The following TBC1D22A variants were observed in gnomAD, a reference collection of about 807,000 sequenced individuals.
TBC1D22A encodes putative GTPase activator.
TBC1D22A carries 38 observed loss-of-function variants against 60.2 expected under a neutral mutation model. The ratio of observed to expected loss-of-function variants is 0.63; its 90% CI spans 0.49 to 0.83. The LOEUF is 0.83. TBC1D22A is among the 40% of genes least tolerant of loss of function. The probability of loss-of-function intolerance (pLI) is 0.00; values close to 1 mark genes in which losing one functional copy is unlikely to be tolerated. For synonymous variants in TBC1D22A, 302 were observed against 281.7 expected, an observed-to-expected ratio of 1.07 and a Z score of -0.72; for missense variants, 628 against 701.0, an observed-to-expected ratio of 0.90 and a Z score of 1.18.
At chr22:47,097,517 G>C (rs1224648193) in intron 11 of TBC1D22A, among the ~76,000 whole-genome samples, 2 of 152,054 alleles carry the variant, frequency 1.3e-5, no homozygotes, top group Admixed American at 6.6e-5. Flanking sequence ...GGGAGGCTGA[G>C]ACAGAATTGC....
At chr22:47,096,857 T>C (rs150424984) in intron 11 of TBC1D22A, among the ~76,000 whole-genome samples, 2 of 152,248 alleles carry the variant, frequency 1.3e-5, no homozygotes, top group Non-Finnish European at 2.9e-5. Flanking sequence ...ATAAAGTATA[T>C]CCTTTGTGTC....
chr22:47,130,238 G>A (rs576284582), intron 12 of TBC1D22A, among the ~76,000 whole-genome samples: 3 of 152,290 alleles, frequency 2.0e-5, no homozygotes, highest in East Asian at 1.9e-4. Context: ...CGTGTCTGGA[G>A]GAGCAGGCAG....
chr22:46,798,458 G>A (rs1006732500), intron 4 of TBC1D22A, among the ~76,000 whole-genome samples: 3 of 152,278 alleles, frequency 2.0e-5, no homozygotes, highest in Admixed American at 6.5e-5. Flanking sequence ...AGTCACCAGT[G>A]TGACTCTTCC....
intron 11 of TBC1D22A, among the ~76,000 whole-genome samples, chr22:47,075,316 G>A (rs1414685132): frequency 6.6e-6 from 1 of 151,856 alleles, no homozygotes; most frequent in Admixed American, 6.6e-5. Context: ...GGGAGGCTTT[G>A]TAGGGTGCTG....
At chr22:46,915,347 A>G in intron 8 of TBC1D22A, 2 of 453,730 alleles carry the variant, frequency 4.4e-6, no homozygotes, top group Non-Finnish European at 8.9e-6. Context: ...GGTAAACCTC[A>G]GATGCTCTGC....
At chr22:46,823,712 A>G (rs920133143) in intron 4 of TBC1D22A, among the ~76,000 whole-genome samples, 2 of 152,228 alleles carry the variant, frequency 1.3e-5, no homozygotes, top group African/African-American at 4.8e-5. Flanking sequence ...TTTTCTTCTC[A>G]TGGTCACTGC....
At chr22:47,151,314 C>T (rs865921681) in intron 12 of TBC1D22A, among the ~76,000 whole-genome samples, 2 of 152,228 alleles carry the variant, frequency 1.3e-5, no homozygotes, top group East Asian at 1.9e-4. Flanking sequence ...GGCGCACTCA[C>T]GCAGAACCGA....
At chr22:46,805,332 C>A (rs963106948) in intron 4 of TBC1D22A, among the ~76,000 whole-genome samples, 8 of 152,230 alleles carry the variant, frequency 5.3e-5, no homozygotes, top group Non-Finnish European at 8.8e-5. Context: ...TATCTGGGGC[C>A]TTCCGTGAAG....
intron 1 of TBC1D22A, among the ~76,000 whole-genome samples, chr22:46,780,072 A>G (rs963707796): frequency 1.3e-5 from 2 of 152,234 alleles, no homozygotes; most frequent in Admixed American, 1.3e-4. Context: ...TGGAAAATTT[A>G]CTTCTGAATA....
At chr22:47,036,639 C>T (rs1334404504) in intron 10 of TBC1D22A, among the ~76,000 whole-genome samples, 2 of 152,194 alleles carry the variant, frequency 1.3e-5, no homozygotes, top group Admixed American at 6.5e-5. Context: ...TTTCCCTGGA[C>T]AAGATTGGGC....
chr22:47,050,439 T>C (rs2148440316), intron 11 of TBC1D22A, among the ~76,000 whole-genome samples: 1 of 152,374 alleles, frequency 6.6e-6, no homozygotes, highest in African/African-American at 2.4e-5. Context: ...ATTCCAAAAG[T>C]TTCCCGTGTT....
chr22:47,012,609 A>G (rs113476976), intron 10 of TBC1D22A, among the ~76,000 whole-genome samples: 1 of 151,962 alleles, frequency 6.6e-6, no homozygotes, highest in African/African-American at 2.4e-5. Context: ...CTCTTCCTGC[A>G]TTCCTTCCAA....
intron 11 of TBC1D22A, among the ~76,000 whole-genome samples, chr22:47,082,399 A>G (rs182383247): frequency 2.1e-4 from 26 of 121,192 alleles, no homozygotes; most frequent in Middle Eastern, 3.9e-3. Context: ...TGGCATTGAC[A>G]TAAGGATAGA....
intron 1 of TBC1D22A, among the ~76,000 whole-genome samples, chr22:46,772,567 T>C (rs542315644): frequency 2.7e-4 from 15 of 55,310 alleles, no homozygotes; most frequent in Admixed American, 6.1e-4. Context: ...TACATATATA[T>C]GTATACACAC....
At chr22:46,830,027 G>A (rs2086242687) in intron 4 of TBC1D22A, among the ~76,000 whole-genome samples, 1 of 152,248 alleles carries the variant, frequency 6.6e-6, no homozygotes, top group African/African-American at 2.4e-5. Flanking sequence ...GAGACAGAAT[G>A]TCTGCCTGGT....
In TBC1D22A at chr22:47,131,570, C is replaced by T. The variant is rs528349349; in HGVS notation, c.1425+19967C>T. On this transcript the variant is annotated intron_variant, in intron 12 of 12. Coordinates refer to ENST00000337137, the MANE Select transcript of TBC1D22A (RefSeq NM_014346.5). ...TGGGGGCAACAAGCCAGCTTCTACC[C>T]CTGCTGCTGGAGCAAGAAGAGTAGA... is the stretch of plus-strand genomic sequence containing the variant. 6.1e-3 allele frequency among the ~76,000 whole-genome samples: 922 copies of T among 152,348 alleles called. 12 individuals are homozygous for T. The highest frequency in any genetic ancestry group is 0.021 in the African/African-American group (884 of 41,574).
At chr22:46,767,064 C>T (rs1176322701) in intron 1 of TBC1D22A, among the ~76,000 whole-genome samples, 1 of 152,160 alleles carries the variant, frequency 6.6e-6, no homozygotes, top group Non-Finnish European at 1.5e-5. Context: ...GTGGTTTGGC[C>T]AGGGCTATAA....
At chr22:46,873,161 A>G (rs1000513547) in intron 4 of TBC1D22A, among the ~76,000 whole-genome samples, 3 of 152,208 alleles carry the variant, frequency 2.0e-5, no homozygotes, top group African/African-American at 7.2e-5. Context: ...CAGAAGAAAA[A>G]TTAGCAATTA....
At chr22:47,074,125 C>T (rs1180307178) in intron 11 of TBC1D22A, among the ~76,000 whole-genome samples, 1 of 152,180 alleles carries the variant, frequency 6.6e-6, no homozygotes, top group East Asian at 1.9e-4. Flanking sequence ...ACAAAACACC[C>T]CACAAAGTAT....
Sources: allele counts gnomAD v4.1 joint callset (sites outside exome capture counted in the v4.1 genomes callset), GRCh38; gene constraint gnomAD v4.1.1; transcripts MANE v1.5; gene names NCBI Gene and HGNC (gene_info 2026-07-23, HGNC 2026-07-21).